ACP6: variants seen among roughly 807,000 people sequenced by gnomAD.
ACP6 encodes the protein acid phosphatase 6, lysophosphatidic.
ACP6 carries 48 observed loss-of-function variants against 48.1 expected under a neutral mutation model. The ratio of observed to expected loss-of-function variants is 1.00; its 90% confidence interval spans 0.79 to 1.27. ACP6 has a LOEUF of 1.27. ACP6 is among the 50% of genes most tolerant of loss of function. The pLI is 0.00. For synonymous variants in ACP6, 172 were observed against 204.2 expected (o/e 0.84, Z 1.34); for missense variants, 485 against 529.1 (o/e 0.92, Z 0.82).
At chr1:147,654,717 T>C (rs1660147592) in intron 5 of ACP6, among the ~76,000 whole-genome samples, 1 of 152,238 alleles carries the variant, frequency 6.6e-6, no homozygotes, top group Admixed American at 6.5e-5. Flanking sequence ...CCGATCTATC[T>C]TACATAGAAA....
chr1:147,650,423 G>C (rs985133389), intron 7 of ACP6, 185 bp from the exon 8 acceptor site: 11 of 517,222 alleles, frequency 2.1e-5, no homozygotes, highest in South Asian at 2.8e-5. Context: ...GGTCCTCTGT[G>C]AATGAAGACT....
downstream of ACP6, among the ~76,000 whole-genome samples, chr1:147,637,753 C>T (rs1659335619): frequency 6.6e-6 from 1 of 152,196 alleles, no homozygotes; most frequent in Non-Finnish European, 1.5e-5. Context: ...GCATTTGTCT[C>T]CATTAAGTTC....
chr1:147,650,295 C>T, intron 7 of ACP6, 57 bp from the exon 8 acceptor site: 1 of 1,289,612 alleles, frequency 7.8e-7, no homozygotes, highest in Non-Finnish European at 1.1e-6. Flanking sequence ...TCAGGGGACA[C>T]AGACTGATTC....
At chr1:147,658,756 A>G (rs1660381009) in intron 4 of ACP6, among the ~76,000 whole-genome samples, 2 of 152,184 alleles carry the variant, frequency 1.3e-5, no homozygotes, top group African/African-American at 2.4e-5. Flanking sequence ...CAGCTGCTAC[A>G]CTGCTGCTGC....
intron 7 of ACP6, chr1:147,651,434 G>T (rs1371231679): frequency 6.6e-6 from 1 of 152,136 alleles, no homozygotes; most frequent in African/African-American, 2.4e-5. Context: ...CATGTTACAA[G>T]GGCAGAGATG....
downstream of ACP6, among the ~76,000 whole-genome samples, chr1:147,638,610 G>A (rs983233253): frequency 6.6e-6 from 1 of 152,166 alleles, no homozygotes; most frequent in Non-Finnish European, 1.5e-5. Flanking sequence ...TGGAGAGGTG[G>A]GCAGGGGGCC....
chr1:147,669,510 C>T (rs1469019071), intron 1 of ACP6, among the ~76,000 whole-genome samples: 2 of 152,178 alleles, frequency 1.3e-5, no homozygotes, highest in Non-Finnish European at 2.9e-5. Context: ...AAATGCTGAC[C>T]TGGGGCACTA....
At chr1:147,640,738 C>A (rs902583670), downstream of ACP6, among the ~76,000 whole-genome samples, 1 of 152,148 alleles carries the variant, frequency 6.6e-6, no homozygotes, top group Non-Finnish European at 1.5e-5. Context: ...CCACTGCCCC[C>A]CTCCCAATTT....
chr1:147,640,991 A>G (rs1266051923), downstream of ACP6, among the ~76,000 whole-genome samples: 1 of 152,058 alleles, frequency 6.6e-6, no homozygotes, highest in Non-Finnish European at 1.5e-5. Flanking sequence ...ACCCAGCAGA[A>G]GAGACTCATC....
At chr1:147,656,309 C>T (rs1553211616) in intron 4 of ACP6, among the ~76,000 whole-genome samples, 5 of 152,150 alleles carry the variant, frequency 3.3e-5, no homozygotes, top group Admixed American at 3.3e-4. Context: ...ACTATATCAG[C>T]CACAGAACCT....
chr1:147,658,507 C>A (rs1352383667), intron 4 of ACP6, among the ~76,000 whole-genome samples: 21 of 152,180 alleles, frequency 1.4e-4, no homozygotes, highest in African/African-American at 4.8e-4. Context: ...TGTATCAAAA[C>A]CCAAACTCGA....
At chr1:147,639,444 C>T (rs1316610544), downstream of ACP6, among the ~76,000 whole-genome samples, 1 of 152,198 alleles carries the variant, frequency 6.6e-6, no homozygotes, top group East Asian at 1.9e-4. Flanking sequence ...CTAACAGCTC[C>T]AGGGACTGCT....
At position 147,659,665 on chromosome 1, in the gene ACP6, G is replaced by T; in HGVS notation, c.330C>A (p.Tyr110Ter). 1 of 1,614,204 alleles carries T rather than the reference G, an allele frequency of 6.2e-7. No individual in the cohort carries two copies. The highest frequency in any genetic ancestry group is 8.5e-7 in the Non-Finnish European group (1 of 1,180,040). The change falls in exon 2 of 10, where the codon TAC becomes TAA. Residue 110 changes from tyrosine (Y) to a stop codon, truncating the protein, a stop_gained. Transcript: ENST00000583509. LOFTEE classifies it high-confidence loss of function. ...TGCTCACCTTCAGGGTGGTCTCATG[G>T]TATTGAGAGTCGTAAGGAGAATATG... ...PKPYSPYDSQ[Y>*]HETTLKGGMF...
At chr1:147,665,103 G>A (rs1660732657) in intron 1 of ACP6, among the ~76,000 whole-genome samples, 1 of 152,154 alleles carries the variant, frequency 6.6e-6, no homozygotes, top group African/African-American at 2.4e-5. Flanking sequence ...CTTTAGATTT[G>A]TATGTATAAA....
chr1:147,663,949 G>C (rs1260274221), intron 1 of ACP6, among the ~76,000 whole-genome samples: 1 of 152,006 alleles, frequency 6.6e-6, no homozygotes, highest in Non-Finnish European at 1.5e-5. Context: ...CTACTACTTT[G>C]TTTAGTTTTA....
At position 147,659,090 on chromosome 1, in the gene ACP6, A is replaced by G. The variant is rs371625494; in HGVS notation, c.480-51T>C. ...ACTCATAAAAGGAATATTTAATTAT[A>G]TACACTCTATTTTATTCCACATACG... On this transcript the variant is annotated intron_variant, in intron 3 of 9. Coordinates refer to ENST00000583509, the MANE Select transcript of ACP6 (RefSeq NM_016361.5). 6.6e-6 allele frequency: 10 copies of G among 1,504,446 alleles called. No homozygotes were observed. In the African/African-American group the frequency reaches 1.3e-4, roughly 19 times the overall value. The allele number at this position is 1,504,446 out of a possible 1,614,324, so 93.2% of individuals were successfully genotyped here.
chr1:147,632,089 G>A (rs1460032344), intron 5 of ACP6, among the ~76,000 whole-genome samples: 4 of 151,632 alleles, frequency 2.6e-5, no homozygotes, highest in Non-Finnish European at 5.9e-5. Context: ...TTGACTCCAG[G>A]CTTTCCCAAT....
At chr1:147,664,654 A>G (rs946907) in intron 1 of ACP6, among the ~76,000 whole-genome samples, 10,109 of 152,238 alleles carry the variant, frequency 0.066, 940 homozygotes, top group African/African-American at 0.21. Context: ...GGTACAATTA[A>G]TAGCTCCAAC....
Position 147,647,367 on chromosome 1 carries a change from G to C in ACP6, c.*56C>G. 1 of 1,591,514 alleles carries C rather than the reference G, an allele frequency of 6.3e-7. No homozygotes were observed. The highest frequency in any genetic ancestry group is 8.6e-7 in the Non-Finnish European group (1 of 1,164,504). On this transcript the variant is annotated 3_prime_UTR_variant, in exon 10 of 10. Coordinates refer to ENST00000583509, the MANE Select transcript of ACP6 (RefSeq NM_016361.5). ...TCTTCCCAAACACACAAAGCAGGAG[G>C]CATTGTATAAAGGCACTTTATTTTA... is the stretch of plus-strand genomic sequence containing the variant.
Sources: allele counts gnomAD v4.1 joint callset (sites outside exome capture counted in the v4.1 genomes callset), GRCh38; gene constraint gnomAD v4.1.1; transcripts MANE v1.5; gene names NCBI Gene and HGNC (gene_info 2026-07-23, HGNC 2026-07-21).